Variants in ANO3 observed in about 807,000 individuals in gnomAD.
ANO3 encodes anoctamin-3.
A neutral mutation model predicts 144.8 loss-of-function variants in ANO3; 99 were observed. That is an observed-to-expected ratio of 0.68 (90% CI 0.58 to 0.81). The LOEUF is 0.81. Ranked by LOEUF, ANO3 falls within the 30% of genes least tolerant of loss-of-function variation. The probability of loss-of-function intolerance (pLI) is 0.00; values close to 1 mark genes in which losing one functional copy is unlikely to be tolerated. For synonymous variants in ANO3, 414 were observed against 392.6 expected (o/e 1.05, Z -0.64); for missense variants, 905 against 1,202.2 (o/e 0.75, Z 3.66).
intron 1 of ANO3, among the ~76,000 whole-genome samples, chr11:26,205,807 G>A (rs1449070753): frequency 5.9e-5 from 9 of 152,144 alleles, no homozygotes; most frequent in Non-Finnish European, 8.8e-5. Context: ...TCTAAGTCCC[G>A]AGCTAAAGCT....
intron 11 of ANO3, among the ~76,000 whole-genome samples, chr11:26,546,930 G>A (rs1412709725): frequency 6.6e-6 from 1 of 151,844 alleles, no homozygotes; most frequent in East Asian, 1.9e-4. Context: ...CTGCAGAGTT[G>A]AGCTTTGTTG....
chr11:26,641,595 A>G (rs367783204), intron 21 of ANO3, among the ~76,000 whole-genome samples: 28 of 152,288 alleles, frequency 1.8e-4, no homozygotes, highest in East Asian at 1.4e-3. Flanking sequence ...ATTTTAGTGT[A>G]TAGAGCTTGA....
At chr11:26,298,822 A>C (rs1018101437) in intron 1 of ANO3, among the ~76,000 whole-genome samples, 4 of 152,144 alleles carry the variant, frequency 2.6e-5, no homozygotes, top group Non-Finnish European at 5.9e-5. Flanking sequence ...GTGAGATAGA[A>C]GAGTCAAGAT....
intron 1 of ANO3, among the ~76,000 whole-genome samples, chr11:26,350,805 A>G (rs1254296333): frequency 6.6e-6 from 1 of 152,174 alleles, no homozygotes; most frequent in Non-Finnish European, 1.5e-5. Flanking sequence ...TAACTTTTCC[A>G]TAATCTTCTG....
intron 1 of ANO3, among the ~76,000 whole-genome samples, chr11:26,227,992 C>A (rs925781060): frequency 6.6e-6 from 1 of 152,086 alleles, no homozygotes; most frequent in Non-Finnish European, 1.5e-5. Flanking sequence ...TAATTATTTA[C>A]TTGGTTCAAT....
intron 1 of ANO3, among the ~76,000 whole-genome samples, chr11:26,192,309 A>T (rs887566611): frequency 2.6e-5 from 4 of 152,164 alleles, no homozygotes; most frequent in Non-Finnish European, 4.4e-5. Flanking sequence ...TTGCAGGCTT[A>T]GCACTGGGAT....
intron 7 of ANO3, among the ~76,000 whole-genome samples, chr11:26,527,673 A>G (rs1436550995): frequency 1.3e-5 from 2 of 152,160 alleles, no homozygotes; most frequent in Admixed American, 6.6e-5. Flanking sequence ...TTAGGGGATA[A>G]ATAATGTACA....
intron 6 of ANO3, among the ~76,000 whole-genome samples, chr11:26,518,813 C>T (rs1476475088): frequency 2.6e-5 from 4 of 151,716 alleles, no homozygotes; most frequent in Non-Finnish European, 4.4e-5. Flanking sequence ...AAGGTGATTT[C>T]ATCATGTAAA....
At chr11:26,217,365 ATC>A (rs1852055097) in intron 1 of ANO3, among the ~76,000 whole-genome samples, 1 of 151,994 alleles carries the variant, frequency 6.6e-6, no homozygotes. Flanking sequence ...CTATTGTTTT[ATC>A]TCTCTCAGCT....
chr11:26,189,303 C>T (rs1225755973), exon 1 of ANO3: 33 of 985,354 alleles, frequency 3.3e-5, no homozygotes, highest in Non-Finnish European at 4.0e-5. Flanking sequence ...TCAACTGGAA[C>T]TTCAGCACTC....
At chr11:26,610,375 T>TA (rs1852063819) in intron 17 of ANO3, among the ~76,000 whole-genome samples, 1 of 151,870 alleles carries the variant, frequency 6.6e-6, no homozygotes, top group African/African-American at 2.4e-5. Context: ...AACTGCCTAT[T>TA]ATTTTTCCAA....
chr11:26,325,162 G>C (rs1421393897), intron 1 of ANO3, among the ~76,000 whole-genome samples: 1 of 152,134 alleles, frequency 6.6e-6, no homozygotes, highest in African/African-American at 2.4e-5. Context: ...GAATATGGAA[G>C]ACTTGACGCT....
At chr11:26,468,317 A>G (rs977978529) in intron 4 of ANO3, among the ~76,000 whole-genome samples, 1 of 152,012 alleles carries the variant, frequency 6.6e-6, no homozygotes, top group Non-Finnish European at 1.5e-5. Context: ...AGATATTGCC[A>G]TTAATGAGTC....
intron 1 of ANO3, among the ~76,000 whole-genome samples, chr11:26,406,922 GTA>G (rs1347214842): frequency 6.8e-6 from 1 of 146,102 alleles, no homozygotes; most frequent in African/African-American, 2.5e-5. Flanking sequence ...ATACACACCT[GTA>G]TATATATAAA....
Position 26,656,777 on chromosome 11 carries a change from A to T in ANO3, c.2763+296A>T, listed in dbSNP as rs191426298. Among the ~76,000 whole-genome samples, 3 of 152,284 alleles carry T rather than the reference A, an allele frequency of 2.0e-5. No individual in the cohort carries two copies. In the East Asian group the frequency reaches 5.8e-4, roughly 29 times the overall value. Reference sequence around the variant, plus strand: ...TTGAGCCTTTTAGTAACCAAGTTTAAAAAGGAAAGGATGATTTTCATCATC... The same window carrying T: ...TTGAGCCTTTTAGTAACCAAGTTTATAAAGGAAAGGATGATTTTCATCATC... On this transcript the variant is annotated intron_variant, in intron 26 of 26. Coordinates refer to ENST00000256737, the MANE Select transcript of ANO3 (RefSeq NM_031418.4).
chr11:26,344,608 G>A (rs554966373), intron 1 of ANO3, among the ~76,000 whole-genome samples: 51 of 151,878 alleles, frequency 3.4e-4, no homozygotes, highest in Non-Finnish European at 6.2e-4. Context: ...CTTGTGATCC[G>A]CCCGCCTCGG....
intron 1 of ANO3, chr11:26,286,013 G>A (rs761881278): frequency 2.0e-5 from 3 of 152,166 alleles, no homozygotes; most frequent in African/African-American, 4.8e-5. Context: ...GATTTCATGT[G>A]TTGCCTCCTG....
At chr11:26,241,015 G>A (rs11822090) in intron 1 of ANO3, among the ~76,000 whole-genome samples, 46,658 of 151,976 alleles carry the variant, frequency 0.31, 7,425 homozygotes, top group Non-Finnish European at 0.34. Flanking sequence ...GGAGAAACCC[G>A]GTGGGAGGTA....
At chr11:26,411,077 A>C (rs898790371) in intron 1 of ANO3, among the ~76,000 whole-genome samples, 16 of 152,024 alleles carry the variant, frequency 1.1e-4, no homozygotes, top group African/African-American at 3.9e-4. Flanking sequence ...CAATGGGAAA[A>C]GAAGCATCCA....
Sources: gnomAD v4.1 joint callset for allele counts (sites outside exome capture counted in the v4.1 genomes callset) on GRCh38, gnomAD v4.1.1 for gene constraint, MANE v1.5 for transcripts, NCBI Gene and HGNC (gene_info 2026-07-23, HGNC 2026-07-21) for gene names.